Variants in DCC observed in about 807,000 individuals in gnomAD.
DCC encodes the protein netrin receptor DCC.
In DCC, 58 loss-of-function variants were observed where a neutral mutation model predicts 172.5. That is an observed-to-expected ratio of 0.34 (90% CI 0.27 to 0.42). The LOEUF (loss-of-function observed/expected upper bound fraction) is 0.42, where lower values mean the gene tolerates loss of function less well. Among genes scored for constraint, DCC ranks in the 10% least tolerant of loss-of-function variants. The pLI is 1.00. For synonymous variants in DCC, 709 were observed against 644.5 expected (o/e 1.10, Z -1.52); for missense variants, 1,740 against 1,791.0 (o/e 0.97, Z 0.51).
intron 24 of DCC, among the ~76,000 whole-genome samples, chr18:53,459,955 T>C (rs2045530836): frequency 6.6e-6 from 1 of 150,908 alleles, no homozygotes; most frequent in Admixed American, 6.6e-5. Context: ...CCTTGATTAC[T>C]ATGGAAATCA....
At chr18:53,110,929 G>A (rs1240285245) in intron 7 of DCC, among the ~76,000 whole-genome samples, 1 of 123,418 alleles carries the variant, frequency 8.1e-6, no homozygotes, top group Non-Finnish European at 1.7e-5. Flanking sequence ...AAATCATGCT[G>A]CTATAAAGAC....
rs2056559358 is a variant in DCC at position 53,259,028 on chromosome 18, C to A, written c.1911+43431C>A. Among the ~76,000 whole-genome samples, 3 of 152,266 alleles carry A rather than the reference C, an allele frequency of 2.0e-5. No homozygotes were observed. The South Asian group carries it at 6.2e-4, about 32-fold the overall frequency. The stretch of plus-strand genomic sequence containing the variant: ...TCTGTTTTATCAGAGACTAGGATTG[C>A]AACCCCTGCCTTTTTTTTGTTTTCC... On this transcript the variant is annotated intron_variant, in intron 12 of 28. Coordinates refer to ENST00000442544, the MANE Select transcript of DCC (RefSeq NM_005215.4).
chr18:52,868,933 G>C (rs1255570710), intron 2 of DCC, among the ~76,000 whole-genome samples: 1 of 152,218 alleles, frequency 6.6e-6, no homozygotes, highest in Non-Finnish European at 1.5e-5. Context: ...AGCTGGACCA[G>C]GTGCACCACA....
At chr18:53,238,455 C>T (rs2056236375) in intron 12 of DCC, among the ~76,000 whole-genome samples, 1 of 152,158 alleles carries the variant, frequency 6.6e-6, no homozygotes, top group South Asian at 2.1e-4. Flanking sequence ...TGAAATATTT[C>T]CATTTTCATT....
At chr18:53,123,591 T>C (rs2043514020) in intron 7 of DCC, among the ~76,000 whole-genome samples, 1 of 152,092 alleles carries the variant, frequency 6.6e-6, no homozygotes, top group Non-Finnish European at 1.5e-5. Flanking sequence ...GGATACCTAG[T>C]TGTAATGTGT....
chr18:53,245,540 T>G (rs1034917209), intron 12 of DCC, among the ~76,000 whole-genome samples: 2 of 152,104 alleles, frequency 1.3e-5, no homozygotes, highest in African/African-American at 4.8e-5. Flanking sequence ...AATAAATACA[T>G]TTCCTTGAAG....
chr18:53,405,215 T>C (rs978753999), intron 19 of DCC, among the ~76,000 whole-genome samples: 1 of 149,774 alleles, frequency 6.7e-6, no homozygotes, highest in African/African-American at 2.4e-5. Flanking sequence ...AGAAATGAGC[T>C]CTTTCTCAGT....
chr18:53,085,173 C>G (rs2042860367), intron 7 of DCC, among the ~76,000 whole-genome samples: 1 of 152,138 alleles, frequency 6.6e-6, no homozygotes, highest in African/African-American at 2.4e-5. Flanking sequence ...CCCTCAGGTT[C>G]TGAAGGACAA....
intron 5 of DCC, among the ~76,000 whole-genome samples, chr18:52,978,151 G>T (rs2041153429): frequency 6.6e-6 from 1 of 151,978 alleles, no homozygotes; most frequent in Admixed American, 6.6e-5. Flanking sequence ...AATGATGATG[G>T]TTTTGCCATT....
At chr18:52,923,476 T>C (rs9944717) in intron 3 of DCC, among the ~76,000 whole-genome samples, 59,948 of 151,936 alleles carry the variant, frequency 0.39, 12,407 homozygotes, top group Non-Finnish European at 0.47. Flanking sequence ...CTCAGATACA[T>C]GAATAGCCTC....
At chr18:52,784,785 C>T (rs2037621576) in intron 2 of DCC, among the ~76,000 whole-genome samples, 1 of 151,814 alleles carries the variant, frequency 6.6e-6, no homozygotes, top group Admixed American at 6.6e-5. Context: ...GGGATATGTA[C>T]CCTGGGGTTC....
At chr18:53,153,633 A>T (rs551911660) in intron 7 of DCC, among the ~76,000 whole-genome samples, 2 of 152,336 alleles carry the variant, frequency 1.3e-5, no homozygotes, top group African/African-American at 4.8e-5. Context: ...TTAAAGATTT[A>T]AAAACATGCT....
chr18:53,352,120 G>A (rs1248801005), intron 15 of DCC, among the ~76,000 whole-genome samples: 1 of 151,952 alleles, frequency 6.6e-6, no homozygotes, highest in South Asian at 2.1e-4. Context: ...TTTCTATAGG[G>A]AAAAACAAGG....
intron 5 of DCC, among the ~76,000 whole-genome samples, chr18:53,020,606 C>A (rs894902492): frequency 5.9e-5 from 9 of 152,134 alleles, no homozygotes; most frequent in Non-Finnish European, 8.8e-5. Flanking sequence ...TAAAAGTCAT[C>A]CAATTAGCCT....
intron 5 of DCC, among the ~76,000 whole-genome samples, chr18:52,979,747 T>C (rs969090792): frequency 2.0e-5 from 3 of 152,196 alleles, no homozygotes; most frequent in African/African-American, 4.8e-5. Context: ...ATGGGTAACA[T>C]ATCCAGTCAG....
At chr18:53,313,154 G>A (rs934326280) in intron 13 of DCC, among the ~76,000 whole-genome samples, 2 of 152,006 alleles carry the variant, frequency 1.3e-5, no homozygotes, top group Admixed American at 1.3e-4. Flanking sequence ...CAGAGTTGGG[G>A]CCCCCAAAAA....
At chr18:52,644,809 AAGGGAGGGAGGGAGGG>A (rs779171722) in intron 1 of DCC, among the ~76,000 whole-genome samples, 6 of 104,006 alleles carry the variant, frequency 5.8e-5, no homozygotes, top group Non-Finnish European at 9.6e-5. Flanking sequence ...GGAAGGAAGG[AAGGGAGGGAGGGAGGG>A]AGGGAGGGAG....
intron 1 of DCC, among the ~76,000 whole-genome samples, chr18:52,480,818 A>G (rs1227125267): frequency 6.6e-6 from 1 of 152,112 alleles, no homozygotes; most frequent in African/African-American, 2.4e-5. Context: ...CCAATTCACT[A>G]TGGTATTTGA....
Position 52,386,376 on chromosome 18 carries a change from C to T in DCC, c.91+45498C>T, listed in dbSNP as rs181346138. ...CCTCAAACATGATTTTAAATTTAAACCTTGTGATGAAATGTCATTAGGGGA... is the reference window on the plus strand; with the variant it reads ...CCTCAAACATGATTTTAAATTTAAATCTTGTGATGAAATGTCATTAGGGGA... On this transcript the variant is annotated intron_variant, in intron 1 of 28. Coordinates refer to ENST00000442544, the MANE Select transcript of DCC (RefSeq NM_005215.4). Among the ~76,000 whole-genome samples the T allele has an allele frequency of 2.2e-3, 334 of 152,082 alleles. 3 individuals are homozygous for T. The highest frequency in any genetic ancestry group is 1.6e-3 in the Non-Finnish European group (107 of 67,970).
Sources: allele counts gnomAD v4.1 joint callset (sites outside exome capture counted in the v4.1 genomes callset), GRCh38; gene constraint gnomAD v4.1.1; transcripts MANE v1.5; gene names NCBI Gene and HGNC (gene_info 2026-07-23, HGNC 2026-07-21).